Variants in GRID1 observed in about 807,000 individuals in gnomAD.
The protein encoded by GRID1 is glutamate receptor ionotropic, delta-1.
In GRID1, 28 loss-of-function variants were observed where a neutral mutation model predicts 98.0. The observed-to-expected ratio is 0.29, with a 90% confidence interval of 0.21 to 0.39. The LOEUF is 0.39. Among genes scored for constraint, GRID1 ranks in the 10% least tolerant of loss-of-function variants. The probability of loss-of-function intolerance (pLI) is 1.00; values close to 1 mark genes in which losing one functional copy is unlikely to be tolerated. For synonymous variants in GRID1, 553 were observed against 538.5 expected, an observed-to-expected ratio of 1.03 and a Z score of -0.37; for missense variants, 1,111 against 1,340.5, an observed-to-expected ratio of 0.83 and a Z score of 2.67.
intron 4 of GRID1, among the ~76,000 whole-genome samples, chr10:85,945,030 TG>T (rs1564632557): frequency 6.6e-6 from 1 of 152,212 alleles, no homozygotes; most frequent in Non-Finnish European, 1.5e-5. Context: ...GGTTAACTCA[TG>T]GCTTTGAGTT....
At chr10:86,204,892 G>C (rs542282080) in intron 3 of GRID1, among the ~76,000 whole-genome samples, 300 of 151,702 alleles carry the variant, frequency 2.0e-3, no homozygotes, top group South Asian at 4.8e-3. Flanking sequence ...CAGCCCCAAG[G>C]GTTCTCGGGG....
At position 85,601,821 on chromosome 10, in the gene GRID1, G is replaced by C. The variant is rs571519262; in HGVS notation, c.*452C>G. ...AAGCTGAGGGACTAAAAGGGACGAGGTGCCAGGAGCAAAGAAATGGGGCAG... is the reference window on the plus strand; with the variant it reads ...AAGCTGAGGGACTAAAAGGGACGAGCTGCCAGGAGCAAAGAAATGGGGCAG... On this transcript the variant is annotated 3_prime_UTR_variant, in exon 16 of 16. Coordinates refer to ENST00000327946, the MANE Select transcript of GRID1 (RefSeq NM_017551.3). 1 of 159,820 alleles carries C rather than the reference G, an allele frequency of 6.3e-6. No homozygotes were observed. The highest frequency in any genetic ancestry group is 2.4e-5 in the African/African-American group (1 of 41,750). 9.9% of individuals were successfully genotyped at this position (159,820 alleles called of 1,614,324 possible). A position where few individuals can be genotyped will look rare whatever the true frequency, so the allele number is the denominator to read the frequency against.
intron 3 of GRID1, among the ~76,000 whole-genome samples, chr10:86,180,509 A>T (rs1589400636): frequency 6.6e-6 from 1 of 152,082 alleles, no homozygotes; most frequent in African/African-American, 2.4e-5. Context: ...GGTCAGGGGC[A>T]ATGATGCTTT....
intron 5 of GRID1, among the ~76,000 whole-genome samples, chr10:85,872,297 CA>C (rs1843286241): frequency 6.6e-6 from 1 of 152,132 alleles, no homozygotes; most frequent in Admixed American, 6.5e-5. Flanking sequence ...AAATTATGCA[CA>C]AAAGAGAGAA....
At chr10:86,144,576 C>G (rs1452138787) in intron 3 of GRID1, among the ~76,000 whole-genome samples, 3 of 152,194 alleles carry the variant, frequency 2.0e-5, no homozygotes, top group East Asian at 3.8e-4. Flanking sequence ...TGACTCTGCT[C>G]TAAAGCTCCT....
At chr10:85,611,055 T>TA (rs1449236529) in intron 15 of GRID1, among the ~76,000 whole-genome samples, 2 of 152,302 alleles carry the variant, frequency 1.3e-5, no homozygotes, top group East Asian at 3.9e-4. Flanking sequence ...GAAGCCAGAA[T>TA]AAAAGGTAGG....
intron 8 of GRID1, among the ~76,000 whole-genome samples, chr10:85,795,000 T>C (rs1382231783): frequency 6.6e-6 from 1 of 152,054 alleles, no homozygotes. Context: ...TAAATATTTA[T>C]AAAGACACAG....
intron 4 of GRID1, among the ~76,000 whole-genome samples, chr10:86,013,535 C>T (rs771725487): frequency 6.6e-6 from 1 of 152,212 alleles, no homozygotes; most frequent in African/African-American, 2.4e-5. Context: ...GCAACTTGTA[C>T]ATGGTTATTG....
intron 8 of GRID1, among the ~76,000 whole-genome samples, chr10:85,816,912 G>A (rs1842721371): frequency 6.6e-6 from 1 of 152,112 alleles, no homozygotes; most frequent in South Asian, 2.1e-4. Context: ...TAGCAGCCAT[G>A]TGTTCTCATT....
chr10:86,111,373 C>T (rs568267426), intron 4 of GRID1, among the ~76,000 whole-genome samples: 3 of 152,164 alleles, frequency 2.0e-5, no homozygotes, highest in Non-Finnish European at 4.4e-5. Flanking sequence ...ATCAACCATG[C>T]CCAGCCACTG....
intron 3 of GRID1, among the ~76,000 whole-genome samples, chr10:86,161,585 A>AG: frequency 6.6e-6 from 1 of 152,170 alleles, no homozygotes. Flanking sequence ...TGGGGAACTG[A>AG]GGGTCTCTGT....
chr10:85,972,743 T>G (rs1245574559), intron 4 of GRID1, among the ~76,000 whole-genome samples: 1 of 152,050 alleles, frequency 6.6e-6, no homozygotes, highest in Non-Finnish European at 1.5e-5. Context: ...ATTTCTCACT[T>G]AAATTACAAG....
intron 8 of GRID1, among the ~76,000 whole-genome samples, chr10:85,827,865 T>C (rs1353389998): frequency 6.6e-6 from 1 of 152,168 alleles, no homozygotes; most frequent in East Asian, 1.9e-4. Context: ...CTTATAGTAT[T>C]CGACAGATCG....
chr10:86,072,784 T>A (rs867918730), intron 4 of GRID1, among the ~76,000 whole-genome samples: 1 of 152,212 alleles, frequency 6.6e-6, no homozygotes, highest in African/African-American at 2.4e-5. Flanking sequence ...CCTTTGCTAG[T>A]GTACAAAAAC....
At chr10:86,321,105 A>T (rs569379183) in intron 2 of GRID1, among the ~76,000 whole-genome samples, 25 of 87,652 alleles carry the variant, frequency 2.9e-4, no homozygotes, top group South Asian at 4.9e-4. Flanking sequence ...ATCTCAAAAA[A>T]AAAAAAGAAA....
chr10:85,769,146 T>G (rs1180823028), intron 8 of GRID1, among the ~76,000 whole-genome samples: 1 of 151,862 alleles, frequency 6.6e-6, no homozygotes, highest in African/African-American at 2.4e-5. Context: ...GCAAGAAAAA[T>G]GGTGAAGAGG....
At chr10:86,067,961 A>G (rs966144367) in intron 4 of GRID1, among the ~76,000 whole-genome samples, 2 of 152,212 alleles carry the variant, frequency 1.3e-5, no homozygotes, top group African/African-American at 2.4e-5. Context: ...CACTTCTGCA[A>G]TGCCAGGCTC....
At chr10:85,666,113 A>G (rs1841016727) in intron 12 of GRID1, among the ~76,000 whole-genome samples, 2 of 152,242 alleles carry the variant, frequency 1.3e-5, no homozygotes, top group Non-Finnish European at 2.9e-5. Context: ...GTCCTCTGAT[A>G]TGGTCTGGAG....
chr10:86,119,940 G>A (rs1428097203), intron 4 of GRID1, among the ~76,000 whole-genome samples: 4 of 152,080 alleles, frequency 2.6e-5, no homozygotes, highest in African/African-American at 4.8e-5. Context: ...ACAGGTACCC[G>A]CCACCATGCC....
Sources: gnomAD v4.1 joint callset for allele counts (sites outside exome capture counted in the v4.1 genomes callset) on GRCh38, gnomAD v4.1.1 for gene constraint, MANE v1.5 for transcripts, NCBI Gene and HGNC (gene_info 2026-07-23, HGNC 2026-07-21) for gene names.